Variants in ARHGAP10 observed in about 807,000 individuals in gnomAD.
ARHGAP10 encodes the protein rho GTPase-activating protein 10.
A neutral mutation model predicts 108.6 loss-of-function variants in ARHGAP10; 87 were observed. The ratio of observed to expected loss-of-function variants is 0.80; its 90% CI spans 0.67 to 0.96. The LOEUF (loss-of-function observed/expected upper bound fraction) is 0.96. ARHGAP10 is among the 40% of genes least tolerant of loss of function. ARHGAP10 has a pLI of 0.00. For synonymous variants in ARHGAP10, 347 were observed against 341.1 expected (o/e 1.02, Z -0.19); for missense variants, 939 against 954.5 (o/e 0.98, Z 0.21).
chr4:147,935,118 A>C (rs1737872595), intron 13 of ARHGAP10, among the ~76,000 whole-genome samples: 2 of 152,174 alleles, frequency 1.3e-5, no homozygotes, highest in African/African-American at 4.8e-5. Context: ...GCCGCAGAGG[A>C]TGCAATGAAC....
At chr4:148,036,380 TTG>T (rs2149673451) in intron 19 of ARHGAP10, among the ~76,000 whole-genome samples, 1 of 152,298 alleles carries the variant, frequency 6.6e-6, no homozygotes, top group Non-Finnish European at 1.5e-5. Flanking sequence ...TCATCTTGAA[TTG>T]TAGTTCCTAT....
intron 22 of ARHGAP10, among the ~76,000 whole-genome samples, chr4:148,071,315 G>A (rs1050999823): frequency 6.6e-6 from 1 of 152,238 alleles, no homozygotes; most frequent in African/African-American, 2.4e-5. Flanking sequence ...TTACAGACCA[G>A]TAAGGAGCTT....
intron 22 of ARHGAP10, among the ~76,000 whole-genome samples, chr4:148,071,277 G>A (rs369097247): frequency 1.7e-4 from 26 of 152,346 alleles, no homozygotes; most frequent in African/African-American, 5.3e-4. Context: ...TGGAGGGGCG[G>A]CTGGAGCCAG....
intron 12 of ARHGAP10, among the ~76,000 whole-genome samples, chr4:147,912,548 AATATATATATATATATATATATAT>A (rs59663731): frequency 0.088 from 10,605 of 120,370 alleles, 1,504 homozygotes; most frequent in African/African-American, 0.29. Context: ...CAAACAAACA[AATATATATATATATATATATATAT>A]ATATATATAT....
At chr4:148,025,843 T>G (rs1486285029) in intron 19 of ARHGAP10, among the ~76,000 whole-genome samples, 2 of 152,188 alleles carry the variant, frequency 1.3e-5, no homozygotes, top group African/African-American at 4.8e-5. Context: ...GTGAAGTGAC[T>G]TCCCATGTTA....
intron 3 of ARHGAP10, among the ~76,000 whole-genome samples, chr4:147,838,395 A>G (rs1234664791): frequency 6.6e-6 from 1 of 151,970 alleles, no homozygotes; most frequent in Non-Finnish European, 1.5e-5. Context: ...GTTTCAGCCC[A>G]TGATTTCGAG....
At chr4:147,741,378 A>G (rs1363777895) in intron 1 of ARHGAP10, among the ~76,000 whole-genome samples, 2 of 152,194 alleles carry the variant, frequency 1.3e-5, no homozygotes, top group African/African-American at 4.8e-5. Context: ...ATGTCTCAGG[A>G]CTATATGAGA....
chr4:147,947,855 G>A (rs1738444964), intron 15 of ARHGAP10, among the ~76,000 whole-genome samples: 1 of 151,760 alleles, frequency 6.6e-6, no homozygotes, highest in Non-Finnish European at 1.5e-5. Context: ...AGAGTTTAGT[G>A]TAATGAACCC....
intron 18 of ARHGAP10, among the ~76,000 whole-genome samples, chr4:147,976,416 C>G (rs1403803801): frequency 1.3e-5 from 2 of 152,120 alleles, no homozygotes; most frequent in Admixed American, 1.3e-4. Context: ...ATTGACTGTT[C>G]AGTGTAGAAG....
intron 14 of ARHGAP10, among the ~76,000 whole-genome samples, chr4:147,944,247 T>C (rs570052569): frequency 2.0e-5 from 3 of 152,346 alleles, no homozygotes; most frequent in African/African-American, 7.2e-5. Context: ...TTTGATTTCT[T>C]GAATGTATCT....
chr4:147,891,594 G>C (rs1181075150), intron 10 of ARHGAP10, among the ~76,000 whole-genome samples: 2 of 152,110 alleles, frequency 1.3e-5, no homozygotes, highest in South Asian at 2.1e-4. Flanking sequence ...CATTGTCAGT[G>C]GGTAAGTTTT....
At chr4:147,983,879 A>C (rs545641208) in intron 18 of ARHGAP10, among the ~76,000 whole-genome samples, 3 of 152,150 alleles carry the variant, frequency 2.0e-5, no homozygotes, top group Non-Finnish European at 2.9e-5. Flanking sequence ...GGCTTTTTCT[A>C]CTGCTGGAGT....
chr4:147,793,305 C>T (rs1395140192), intron 1 of ARHGAP10, among the ~76,000 whole-genome samples: 5 of 130,070 alleles, frequency 3.8e-5, no homozygotes, highest in African/African-American at 1.1e-4. Flanking sequence ...ATAACACACA[C>T]ATATATATAT....
chr4:147,975,883 C>T (rs543532960), intron 18 of ARHGAP10, among the ~76,000 whole-genome samples: 1 of 152,328 alleles, frequency 6.6e-6, no homozygotes, highest in South Asian at 2.1e-4. Context: ...TTGTTTCACT[C>T]TTGTTAACCC....
intron 4 of ARHGAP10, among the ~76,000 whole-genome samples, chr4:147,855,550 T>A (rs1049608611): frequency 6.6e-6 from 1 of 151,928 alleles, no homozygotes; most frequent in Non-Finnish European, 1.5e-5. Context: ...CAACTTCTGC[T>A]TTTTTTTGGT....
chr4:147,951,552 G>A (rs1032585056), intron 15 of ARHGAP10, among the ~76,000 whole-genome samples: 9 of 151,520 alleles, frequency 5.9e-5, no homozygotes, highest in Middle Eastern at 3.4e-3. Context: ...CTATAGCATC[G>A]TAAATTGTAT....
intron 18 of ARHGAP10, among the ~76,000 whole-genome samples, chr4:147,972,070 A>G (rs1184292750): frequency 6.6e-6 from 1 of 152,160 alleles, no homozygotes; most frequent in Non-Finnish European, 1.5e-5. Flanking sequence ...GAGTAAGATG[A>G]GTTCAGTTTG....
At chr4:147,750,238 A>G (rs1467104942) in intron 1 of ARHGAP10, among the ~76,000 whole-genome samples, 1 of 152,176 alleles carries the variant, frequency 6.6e-6, no homozygotes, top group Non-Finnish European at 1.5e-5. Flanking sequence ...GAGTTGTACC[A>G]TGGTGGAAGT....
chr4:148,010,921 A>G (rs1403689486), intron 18 of ARHGAP10, among the ~76,000 whole-genome samples: 1 of 152,220 alleles, frequency 6.6e-6, no homozygotes. Flanking sequence ...AGGATCATAC[A>G]TTATATTTAA....
Sources: gnomAD v4.1 joint callset for allele counts (sites outside exome capture counted in the v4.1 genomes callset) on GRCh38, gnomAD v4.1.1 for gene constraint, MANE v1.5 for transcripts, NCBI Gene and HGNC (gene_info 2026-07-23, HGNC 2026-07-21) for gene names.